HMGN5: variants seen among roughly 807,000 people sequenced by gnomAD.
HMGN5 encodes the protein high mobility group nucleosome binding domain 5.
A neutral mutation model predicts 9.5 loss-of-function variants in HMGN5; 4 were observed. The observed-to-expected ratio is 0.42, with a 90% CI of 0.21 to 0.96. The LOEUF (loss-of-function observed/expected upper bound fraction) is 0.96. Among genes scored for constraint, HMGN5 ranks in the 40% least tolerant of loss-of-function variants. The pLI is 0.30. For synonymous variants in HMGN5, 55 were observed against 57.1 expected (o/e 0.96, Z 0.16); for missense variants, 192 against 187.5 (o/e 1.02, Z -0.14).
intron 5 of HMGN5, among the ~76,000 whole-genome samples, chrX:81,117,318 A>C (rs2075256587): frequency 1.1e-5 from 1 of 90,247 alleles, no homozygotes; most frequent in Non-Finnish European, 2.1e-5. Context: ...GGAGTGAGGC[A>C]ATCTCTGCTC....
chrX:81,186,574 T>C (rs2075478043), intron 1 of HMGN5, among the ~76,000 whole-genome samples: 1 of 112,117 alleles, frequency 8.9e-6, no homozygotes, highest in South Asian at 3.6e-4. Flanking sequence ...TCTTTTGTAT[T>C]ATTTTGTTCA....
chrX:81,141,244 C>T (rs1013529902), intron 1 of HMGN5, among the ~76,000 whole-genome samples: 1 of 111,902 alleles, frequency 8.9e-6, no homozygotes, highest in Non-Finnish European at 1.9e-5. Flanking sequence ...AGTCTTCACC[C>T]TGCAGGGAAG....
At chrX:81,195,073 T>C (rs979121735) in intron 1 of HMGN5, 1 of 110,844 alleles carries the variant, frequency 9.0e-6, no homozygotes, top group African/African-American at 3.3e-5. Context: ...ACTAATAAGA[T>C]AGGTGTATAT....
chrX:81,186,591 A>T (rs2075478087), intron 1 of HMGN5, among the ~76,000 whole-genome samples: 1 of 111,537 alleles, frequency 9.0e-6, no homozygotes, highest in African/African-American at 3.2e-5. Context: ...TTCATTTCAT[A>T]TTTATTAATT....
rs5959830 is a variant in HMGN5 at position 81,162,459 on chromosome X, G to A, written c.-124+39278C>T. 1.6e-3 allele frequency among the ~76,000 whole-genome samples: 179 copies of A among 109,720 alleles called. 1 individual carries two copies. Among genetic ancestry groups the A allele is most frequent in the African/African-American group, 5.5e-3 (165 of 30,243 alleles). On this transcript the variant is annotated intron_variant, in intron 1 of 6. Coordinates refer to ENST00000358130, the MANE Select transcript of HMGN5 (RefSeq NM_030763.3). ...ATGGAACCAAGAGACTAGAGGCAGA[G>A]TGAGAAGTAATAGAGAGTAGATCTC... is the stretch of plus-strand genomic sequence containing the variant.
chrX:81,137,034 A>T (rs775594655), intron 1 of HMGN5, among the ~76,000 whole-genome samples: 29 of 111,626 alleles, frequency 2.6e-4, no homozygotes, highest in Non-Finnish European at 4.3e-4. Flanking sequence ...ATAGTGCCCC[A>T]AAACAAATAA....
chrX:81,199,185 C>G (rs1291803634), intron 1 of HMGN5, among the ~76,000 whole-genome samples: 1 of 111,417 alleles, frequency 9.0e-6, no homozygotes, highest in African/African-American at 3.3e-5. Context: ...TGTGAAGGAC[C>G]TCTTCAAGGA....
intron 1 of HMGN5, among the ~76,000 whole-genome samples, chrX:81,152,309 A>C (rs1350111893): frequency 1.1e-4 from 12 of 112,050 alleles, no homozygotes; most frequent in Non-Finnish European, 2.3e-4. Flanking sequence ...AAAAAAACAA[A>C]CAACCCCATC....
chrX:81,169,280 C>G (rs1023065670), intron 1 of HMGN5, among the ~76,000 whole-genome samples: 4 of 111,424 alleles, frequency 3.6e-5, no homozygotes, highest in African/African-American at 1.3e-4. Flanking sequence ...CTTACAGTGC[C>G]CAGATAAAGG....
chrX:81,134,569 T>G (rs2075306545), intron 1 of HMGN5, among the ~76,000 whole-genome samples: 1 of 111,333 alleles, frequency 9.0e-6, no homozygotes, highest in Admixed American at 9.6e-5. Context: ...CCATTGGTAG[T>G]CACTTCACAT....
intron 1 of HMGN5, among the ~76,000 whole-genome samples, chrX:81,172,286 T>A (rs1037342950): frequency 1.7e-4 from 19 of 111,179 alleles, no homozygotes; most frequent in African/African-American, 5.8e-4. Flanking sequence ...AGAAGATATC[T>A]TTGAGATAAT....
chrX:81,157,786 A>AT (rs1039231915), intron 1 of HMGN5, among the ~76,000 whole-genome samples: 36 of 107,258 alleles, frequency 3.4e-4, no homozygotes, highest in Admixed American at 4.0e-4. Context: ...GGTAAAATAA[A>AT]TTTTTTTTTT....
chrX:81,143,070 G>T (rs968482689), intron 1 of HMGN5, among the ~76,000 whole-genome samples: 1 of 110,872 alleles, frequency 9.0e-6, no homozygotes, highest in Non-Finnish European at 1.9e-5. Context: ...AGCTTAAAGC[G>T]ATTGGATATT....
chrX:81,173,009 G>T (rs2075430822), intron 1 of HMGN5, among the ~76,000 whole-genome samples: 1 of 111,213 alleles, frequency 9.0e-6, no homozygotes, highest in South Asian at 3.7e-4. Flanking sequence ...ATTTGTTCGA[G>T]TCAACAATCC....
intron 1 of HMGN5, among the ~76,000 whole-genome samples, chrX:81,127,274 C>T: frequency 9.0e-6 from 1 of 111,555 alleles, no homozygotes. Context: ...AATTCAAGAA[C>T]TGATAAATGC....
At chrX:81,153,640 T>TATATATAA (rs2075374973) in intron 1 of HMGN5, among the ~76,000 whole-genome samples, 4 of 51,405 alleles carry the variant, frequency 7.8e-5, no homozygotes, top group African/African-American at 3.1e-4. Context: ...TATATATATA[T>TATATATAA]GTATCTCCTT....
intron 1 of HMGN5, among the ~76,000 whole-genome samples, chrX:81,130,376 T>C (rs2075295256): frequency 8.9e-6 from 1 of 111,761 alleles, no homozygotes; most frequent in Admixed American, 9.6e-5. Context: ...TTCATATGAA[T>C]TATCTCTGGT....
intron 1 of HMGN5, among the ~76,000 whole-genome samples, chrX:81,170,243 C>T (rs1340630231): frequency 9.1e-6 from 1 of 110,320 alleles, no homozygotes; most frequent in African/African-American, 3.3e-5. Context: ...GTTCTCACGG[C>T]ATCTGAGAGA....
intron 1 of HMGN5, among the ~76,000 whole-genome samples, chrX:81,196,164 G>T (rs1569353785): frequency 9.0e-6 from 1 of 110,938 alleles, no homozygotes; most frequent in Non-Finnish European, 1.9e-5. Flanking sequence ...CGGTAATTTT[G>T]TATGTGATTT....
Sources: allele counts gnomAD v4.1 joint callset (sites outside exome capture counted in the v4.1 genomes callset), GRCh38; gene constraint gnomAD v4.1.1; transcripts MANE v1.5; gene names NCBI Gene and HGNC (gene_info 2026-07-23, HGNC 2026-07-21).